CNTNAP5: variants seen among roughly 807,000 people sequenced by gnomAD.
CNTNAP5 encodes contactin associated protein family member 5.
Under a neutral mutation model 150.2 loss-of-function variants are expected in CNTNAP5, and 72 were observed. The ratio of observed to expected loss-of-function variants is 0.48; its 90% confidence interval spans 0.40 to 0.58. CNTNAP5 has a LOEUF of 0.58. CNTNAP5 is among the 20% of genes least tolerant of loss of function. CNTNAP5 has a pLI of 0.00. For synonymous variants in CNTNAP5, 672 were observed against 619.8 expected (o/e 1.08, Z -1.25); for missense variants, 1,636 against 1,626.2 (o/e 1.01, Z -0.10).
intron 3 of CNTNAP5, among the ~76,000 whole-genome samples, chr2:124,410,237 G>C (rs1198718206): frequency 6.8e-6 from 1 of 147,462 alleles, no homozygotes. Context: ...AGCAAGTCCT[G>C]AGTGACCTAC....
chr2:124,231,826 A>G (rs150096762), intron 2 of CNTNAP5, among the ~76,000 whole-genome samples: 3 of 152,274 alleles, frequency 2.0e-5, no homozygotes, highest in Middle Eastern at 3.4e-3. Flanking sequence ...GACAAATTCA[A>G]TGTGATAGCC....
chr2:124,756,661 G>T (rs1017441246), intron 14 of CNTNAP5, among the ~76,000 whole-genome samples: 1 of 152,140 alleles, frequency 6.6e-6, no homozygotes, highest in Non-Finnish European at 1.5e-5. Context: ...ATTAACACAG[G>T]AGGAGGAAAC....
intron 3 of CNTNAP5, among the ~76,000 whole-genome samples, chr2:124,414,119 C>CTT (rs80216750): frequency 9.7e-5 from 12 of 124,234 alleles, no homozygotes; most frequent in East Asian, 2.4e-4. Flanking sequence ...TTTGGATTTC[C>CTT]TTTTTTTTTT....
intron 5 of CNTNAP5, among the ~76,000 whole-genome samples, chr2:124,438,400 C>A (rs1692589329): frequency 6.6e-6 from 1 of 152,138 alleles, no homozygotes; most frequent in Non-Finnish European, 1.5e-5. Flanking sequence ...GACAAGAGAA[C>A]TGTTGTAAGA....
chr2:124,212,020 G>A (rs971669318), intron 1 of CNTNAP5, among the ~76,000 whole-genome samples: 5 of 152,122 alleles, frequency 3.3e-5, no homozygotes, highest in African/African-American at 7.2e-5. Context: ...GAAAGACAAC[G>A]TTCTAGAAGA....
chr2:124,162,271 C>T (rs1684699785), intron 1 of CNTNAP5, among the ~76,000 whole-genome samples: 1 of 152,040 alleles, frequency 6.6e-6, no homozygotes, highest in African/African-American at 2.4e-5. Context: ...TGGAGTTAGA[C>T]CATTATTGCA....
intron 11 of CNTNAP5, among the ~76,000 whole-genome samples, chr2:124,591,443 G>T (rs1696680294): frequency 6.6e-6 from 1 of 152,058 alleles, no homozygotes; most frequent in Non-Finnish European, 1.5e-5. Context: ...TTTACCAAAG[G>T]TTAAACAAGA....
At chr2:124,201,625 G>A (rs1342707895) in intron 1 of CNTNAP5, among the ~76,000 whole-genome samples, 1 of 152,226 alleles carries the variant, frequency 6.6e-6, no homozygotes, top group African/African-American at 2.4e-5. Flanking sequence ...ACTATCTTGT[G>A]AGAATCACAG....
rs780511050 is a variant in CNTNAP5 at position 124,026,436 on chromosome 2, C to T, written c.82+704C>T. On this transcript the variant is annotated intron_variant, in intron 1 of 23. Coordinates refer to ENST00000682447, the MANE Select transcript of CNTNAP5 (RefSeq NM_001367498.1). ...CACTCTGTCGTCCAAGCTCTAACCT[C>T]GGCAAGTGTAGGACATTTAATTTAA... is the stretch of plus-strand genomic sequence containing the variant. 3.9e-5 allele frequency among the ~76,000 whole-genome samples: 6 copies of T among 152,280 alleles called. No homozygotes were observed. The East Asian group carries it at 5.8e-4, about 15-fold the overall frequency.
chr2:124,448,872 A>AATAT (rs1228587748), intron 6 of CNTNAP5, among the ~76,000 whole-genome samples: 4 of 152,250 alleles, frequency 2.6e-5, no homozygotes, highest in Non-Finnish European at 5.9e-5. Context: ...ATTGTGTGCT[A>AATAT]CAAGTTGTTA....
chr2:124,096,645 G>C (rs537597760), intron 1 of CNTNAP5, among the ~76,000 whole-genome samples: 2 of 151,914 alleles, frequency 1.3e-5, no homozygotes, highest in East Asian at 3.9e-4. Context: ...CTAGCTCTGG[G>C]AAAATTGTTT....
chr2:124,166,191 G>A (rs575781224), intron 1 of CNTNAP5, among the ~76,000 whole-genome samples: 2 of 152,268 alleles, frequency 1.3e-5, no homozygotes, highest in East Asian at 1.9e-4. Flanking sequence ...ATTAGCCATC[G>A]TTCCTATGGC....
chr2:124,187,889 A>G (rs1392539415), intron 1 of CNTNAP5, among the ~76,000 whole-genome samples: 1 of 152,226 alleles, frequency 6.6e-6, no homozygotes, highest in Admixed American at 6.5e-5. Context: ...AAGAGGAAAC[A>G]TATTGACTCA....
At chr2:124,124,046 G>A (rs1199629995) in intron 1 of CNTNAP5, among the ~76,000 whole-genome samples, 1 of 152,316 alleles carries the variant, frequency 6.6e-6, no homozygotes, top group East Asian at 1.9e-4. Flanking sequence ...GAACAAAGCT[G>A]GATGGAGAAT....
intron 3 of CNTNAP5, among the ~76,000 whole-genome samples, chr2:124,392,982 G>T (rs938678615): frequency 6.6e-6 from 1 of 152,086 alleles, no homozygotes; most frequent in East Asian, 1.9e-4. Context: ...AGCTTTTTAG[G>T]TTACTGTGTA....
chr2:124,717,862 T>C (rs972668257), intron 13 of CNTNAP5, among the ~76,000 whole-genome samples: 6 of 152,194 alleles, frequency 3.9e-5, no homozygotes, highest in African/African-American at 1.4e-4. Context: ...CAAACACAAA[T>C]ATATTAATAA....
chr2:124,195,443 A>G (rs1685559716), intron 1 of CNTNAP5, among the ~76,000 whole-genome samples: 1 of 152,162 alleles, frequency 6.6e-6, no homozygotes, highest in Admixed American at 6.5e-5. Context: ...TGCAATACTC[A>G]ACACTGTCCC....
chr2:124,389,827 G>A, intron 3 of CNTNAP5, among the ~76,000 whole-genome samples: 1 of 152,076 alleles, frequency 6.6e-6, no homozygotes, highest in Non-Finnish European at 1.5e-5. Flanking sequence ...TTAGCTGGAT[G>A]TGGTTGTACC....
chr2:124,150,553 A>G (rs1684380556), intron 1 of CNTNAP5, among the ~76,000 whole-genome samples: 1 of 152,216 alleles, frequency 6.6e-6, no homozygotes. Context: ...CTGGAAGTCC[A>G]TGATGAGGGT....
Sources: gnomAD v4.1 joint callset for allele counts (sites outside exome capture counted in the v4.1 genomes callset) on GRCh38, gnomAD v4.1.1 for gene constraint, MANE v1.5 for transcripts, NCBI Gene and HGNC (gene_info 2026-07-23, HGNC 2026-07-21) for gene names.